SGCD: variants seen among roughly 807,000 people sequenced by gnomAD.
SGCD encodes delta-sarcoglycan.
A neutral mutation model predicts 36.6 loss-of-function variants in SGCD; 18 were observed. The ratio of observed to expected loss-of-function variants is 0.49; its 90% CI spans 0.34 to 0.73. The LOEUF is 0.73. SGCD is among the 30% of genes least tolerant of loss of function. SGCD has a pLI of 0.01. For synonymous variants in SGCD, 133 were observed against 130.6 expected (o/e 1.02, Z -0.12); for missense variants, 387 against 346.7 (o/e 1.12, Z -0.92).
At chr5:156,634,661 C>T (rs547799073) in intron 6 of SGCD, among the ~76,000 whole-genome samples, 46 of 152,068 alleles carry the variant, frequency 3.0e-4, no homozygotes, top group South Asian at 1.9e-3. Context: ...ATTTTTGGAG[C>T]GATAAAATTG....
intron 3 of SGCD, among the ~76,000 whole-genome samples, chr5:156,316,875 T>C (rs574392813): frequency 1.8e-4 from 28 of 152,174 alleles, no homozygotes; most frequent in African/African-American, 6.5e-4. Flanking sequence ...CCAACCCAGA[T>C]GATTGATAAT....
At chr5:156,287,627 T>TTGTGTGTGTGTGTGTG (rs70982002) in intron 3 of SGCD, among the ~76,000 whole-genome samples, 8 of 146,386 alleles carry the variant, frequency 5.5e-5, no homozygotes, top group African/African-American at 1.8e-4. Flanking sequence ...TTCCGTTTCT[T>TTGTGTGTGTGTGTGTG]TGTGTGTGTG....
At chr5:156,258,930 C>G (rs1121852) in intron 3 of SGCD, among the ~76,000 whole-genome samples, 8,604 of 151,910 alleles carry the variant, frequency 0.057, 265 homozygotes, top group Non-Finnish European at 0.069. Context: ...ACTCTTTACT[C>G]TCTTAATTAA....
At chr5:156,387,264 G>A (rs1771324203) in intron 3 of SGCD, among the ~76,000 whole-genome samples, 1 of 152,160 alleles carries the variant, frequency 6.6e-6, no homozygotes. Context: ...ATCAATGTGT[G>A]GTGACATTTC....
At chr5:156,697,033 G>A (rs1004785715) in intron 7 of SGCD, among the ~76,000 whole-genome samples, 1 of 151,168 alleles carries the variant, frequency 6.6e-6, no homozygotes, top group African/African-American at 2.4e-5. Flanking sequence ...CTATTAAACA[G>A]CACTTAACAC....
intron 3 of SGCD, among the ~76,000 whole-genome samples, chr5:156,142,441 G>A (rs773786871): frequency 3.3e-5 from 5 of 152,214 alleles, no homozygotes; most frequent in Admixed American, 3.3e-4. Flanking sequence ...ATGGGCAGGA[G>A]TTGGAACAAT....
At chr5:155,861,981 A>G in the SGCD span, among the ~76,000 whole-genome samples, 122 of 152,288 alleles carry the variant, frequency 8.0e-4, no homozygotes, top group Non-Finnish European at 1.5e-3. Flanking sequence ...TCTTAGGAGA[A>G]GGAGATAGAG....
At chr5:156,545,734 G>A (rs1003560396) in intron 4 of SGCD, among the ~76,000 whole-genome samples, 5 of 152,228 alleles carry the variant, frequency 3.3e-5, no homozygotes. Context: ...CTTCGGCCTG[G>A]GGGTTGGGAA....
At chr5:156,630,371 G>A (rs1762587260) in intron 6 of SGCD, among the ~76,000 whole-genome samples, 1 of 152,132 alleles carries the variant, frequency 6.6e-6, no homozygotes, top group Non-Finnish European at 1.5e-5. Flanking sequence ...ATGGATAGAT[G>A]GACAAGCAGG....
chr5:156,752,412 A>G (rs954956898), intron 7 of SGCD, among the ~76,000 whole-genome samples: 3 of 152,126 alleles, frequency 2.0e-5, no homozygotes, highest in Admixed American at 1.3e-4. Flanking sequence ...TTCCCCCCCA[A>G]GATGGAGTCT....
At chr5:156,676,297 A>G (rs537567988) in intron 7 of SGCD, among the ~76,000 whole-genome samples, 16 of 152,278 alleles carry the variant, frequency 1.1e-4, no homozygotes, top group African/African-American at 3.6e-4. Flanking sequence ...TCCTGCCTGC[A>G]ACCTGTTGCT....
intron 1 of SGCD, among the ~76,000 whole-genome samples, chr5:155,965,055 C>T (rs1757876904): frequency 6.6e-6 from 1 of 152,060 alleles, no homozygotes; most frequent in Non-Finnish European, 1.5e-5. Context: ...CTATTGAAGA[C>T]AACTTTCAGA....
intron 1 of SGCD, among the ~76,000 whole-genome samples, chr5:155,926,692 A>G (rs1388674449): frequency 6.6e-6 from 1 of 152,218 alleles, no homozygotes; most frequent in Non-Finnish European, 1.5e-5. Flanking sequence ...AACAGGAAAT[A>G]TTCCATGGTG....
At chr5:156,256,984 A>G (rs991691446) in intron 3 of SGCD, among the ~76,000 whole-genome samples, 2 of 152,064 alleles carry the variant, frequency 1.3e-5, no homozygotes, top group Middle Eastern at 3.4e-3. Flanking sequence ...TTGAAGACCA[A>G]CCTGGGCAAC....
intron 1 of SGCD, among the ~76,000 whole-genome samples, chr5:155,993,603 C>T (rs1442821244): frequency 6.6e-6 from 1 of 152,164 alleles, no homozygotes; most frequent in Non-Finnish European, 1.5e-5. Context: ...CCTCAGCCTT[C>T]CAAAGTGATG....
At chr5:156,400,887 G>C (rs569542449) in intron 3 of SGCD, among the ~76,000 whole-genome samples, 11 of 152,312 alleles carry the variant, frequency 7.2e-5, no homozygotes, top group African/African-American at 2.6e-4. Flanking sequence ...AGTTGCATTA[G>C]AATGAAGAAC....
the SGCD span, among the ~76,000 whole-genome samples, chr5:155,834,662 G>A: frequency 6.6e-6 from 1 of 151,898 alleles, no homozygotes; most frequent in South Asian, 2.1e-4. Context: ...CAATTCTTTC[G>A]TGCTTTTCAC....
chr5:156,557,303 A>G (rs1032407384), intron 4 of SGCD, among the ~76,000 whole-genome samples: 1 of 152,198 alleles, frequency 6.6e-6, no homozygotes, highest in South Asian at 2.1e-4. Flanking sequence ...GGGAGGTGTT[A>G]ATCATAATTA....
rs931322494 is a variant in SGCD, at chr5:155,947,833, G to A, written c.-282+77409G>A. 3.9e-5 allele frequency among the ~76,000 whole-genome samples: 6 copies of A among 152,060 alleles called. No individual in the cohort carries two copies. In the South Asian group the frequency reaches 1.2e-3, roughly 32 times the overall value. On this transcript the variant is annotated intron_variant, in intron 1 of 9. Transcript: ENST00000517913. ...GACTCAGCAGAAGAGATACTGGAGA[G>A]AGAGAGATTGAGAGTTCAGAGTTTA...
Sources: allele counts gnomAD v4.1 joint callset (sites outside exome capture counted in the v4.1 genomes callset), GRCh38; gene constraint gnomAD v4.1.1; transcripts MANE v1.5; gene names NCBI Gene and HGNC (gene_info 2026-07-23, HGNC 2026-07-21).